The following CFAP47 variants were observed in gnomAD, a reference collection of about 807,000 sequenced individuals.
CFAP47 encodes the protein cilia- and flagella-associated protein 47.
Under a neutral mutation model 148.1 loss-of-function variants are expected in CFAP47, and 29 were observed. The observed-to-expected ratio is 0.20, with a 90% confidence interval of 0.15 to 0.27. The LOEUF (loss-of-function observed/expected upper bound fraction) is 0.27. Among genes scored for constraint, CFAP47 ranks in the 10% least tolerant of loss-of-function variants. The pLI is 1.00. For synonymous variants in CFAP47, 664 were observed against 577.3 expected, an observed-to-expected ratio of 1.15 and a Z score of -2.15; for missense variants, 1,872 against 1,697.5, an observed-to-expected ratio of 1.10 and a Z score of -1.81.
In CFAP47 at chrX:35,970,759, A is replaced by G. The variant is rs1350127826; in HGVS notation, c.1815-9A>G. On this transcript the variant is annotated splice_polypyrimidine_tract_variant and intron_variant, in intron 10 of 63. Coordinates refer to ENST00000378653, the MANE Select transcript of CFAP47 (RefSeq NM_001304548.2). The stretch of plus-strand genomic sequence containing the variant: ...ATAAAAATATTAACATGACTTGCTT[A>G]TATTGCAGGCCAATTTTCACAAAAG... The G allele has an allele frequency of 2.6e-6, 3 of 1,157,041 alleles. No individual in the cohort carries two copies. The highest frequency in any genetic ancestry group is 3.5e-6 in the Non-Finnish European group (3 of 866,539).
At chrX:35,999,909 A>C (rs749140406) in intron 19 of CFAP47, among the ~76,000 whole-genome samples, 1 of 112,110 alleles carries the variant, frequency 8.9e-6, no homozygotes, top group African/African-American at 3.2e-5. Flanking sequence ...GTAGATTGTG[A>C]GAAACCATCA....
intron 51 of CFAP47, among the ~76,000 whole-genome samples, chrX:36,298,358 A>G (rs1291830542): frequency 1.1e-5 from 1 of 95,199 alleles, no homozygotes; most frequent in African/African-American, 3.9e-5. Context: ...GAATGGAACA[A>G]TGAGATCACA....
At chrX:35,952,820 T>G (rs2146644190) in intron 6 of CFAP47, among the ~76,000 whole-genome samples, 1 of 112,399 alleles carries the variant, frequency 8.9e-6, no homozygotes, top group Non-Finnish European at 1.9e-5. Context: ...ATTCTATTCT[T>G]TTTTCATGGC....
chrX:36,201,565 G>A (rs1490153375), intron 44 of CFAP47, 65 bp downstream of exon 44: 3 of 292,893 alleles, frequency 1.0e-5, no homozygotes, highest in African/African-American at 8.3e-5. Context: ...CAGAGTTACA[G>A]AGCTGTTACT....
At chrX:36,171,333 T>A (rs1247233603) in intron 39 of CFAP47, among the ~76,000 whole-genome samples, 1 of 111,318 alleles carries the variant, frequency 9.0e-6, no homozygotes, top group African/African-American at 3.3e-5. Context: ...TGGCTTCTGT[T>A]GCCATTGCTT....
At chrX:36,248,320 T>C (rs1161452408) in intron 48 of CFAP47, among the ~76,000 whole-genome samples, 2 of 85,430 alleles carry the variant, frequency 2.3e-5, no homozygotes, top group Non-Finnish European at 4.8e-5. Flanking sequence ...AAAATATTTT[T>C]CTATGCTTTA....
chrX:35,951,503 G>A, intron 5 of CFAP47, 144 bp downstream of exon 5: 2 of 502,039 alleles, frequency 4.0e-6, no homozygotes, highest in South Asian at 4.2e-5. Context: ...GTATCCAATA[G>A]CAACCTCAAA....
At chrX:36,106,280 T>C (rs979279632) in intron 33 of CFAP47, among the ~76,000 whole-genome samples, 1 of 112,433 alleles carries the variant, frequency 8.9e-6, no homozygotes, top group African/African-American at 3.2e-5. Flanking sequence ...GCTCTTTGAC[T>C]AATTAGGAAT....
intron 33 of CFAP47, among the ~76,000 whole-genome samples, chrX:36,134,268 A>G (rs184887497): frequency 5.7e-4 from 63 of 111,451 alleles, no homozygotes; most frequent in Non-Finnish European, 9.5e-4. Context: ...AATTCCAGTG[A>G]AAATACCATC....
chrX:36,078,507 C>T (rs184502970), intron 29 of CFAP47, among the ~76,000 whole-genome samples: 4 of 107,642 alleles, frequency 3.7e-5, no homozygotes, highest in East Asian at 3.0e-4. Flanking sequence ...TCTGTTTTAT[C>T]GGAGACTAGG....
intron 49 of CFAP47, among the ~76,000 whole-genome samples, chrX:36,268,995 G>T (rs1338463616): frequency 8.9e-6 from 1 of 111,820 alleles, no homozygotes; most frequent in African/African-American, 3.2e-5. Context: ...TGAACCTTTA[G>T]AAGAATTGGC....
intron 40 of CFAP47, among the ~76,000 whole-genome samples, chrX:36,180,659 A>T (rs949709707): frequency 1.2e-4 from 14 of 112,321 alleles, no homozygotes; most frequent in African/African-American, 4.5e-4. Context: ...TTGGGAGATT[A>T]TATGAGTTGC....
At chrX:36,302,903 T>G (rs1207768884) in intron 53 of CFAP47, among the ~76,000 whole-genome samples, 2 of 112,116 alleles carry the variant, frequency 1.8e-5, no homozygotes, top group Non-Finnish European at 3.8e-5. Flanking sequence ...TTCTAATATC[T>G]AATATGGGAT....
chrX:36,171,139 G>A (rs1331218726), intron 39 of CFAP47, among the ~76,000 whole-genome samples: 5 of 108,659 alleles, frequency 4.6e-5, no homozygotes, highest in African/African-American at 1.7e-4. Context: ...CTTTTTGATG[G>A]GGTTGTTTGT....
rs782266088 is a variant in CFAP47, at chrX:36,379,313, G to A, written c.9186-37G>A. 1,410 of 1,142,764 alleles carry A rather than the reference G, an allele frequency of 1.2e-3. 1 individual carries two copies. Among genetic ancestry groups the A allele is most frequent in the Non-Finnish European group, 1.6e-3 (1,346 of 852,587 alleles). 94.2% of individuals were successfully genotyped at this position (1,142,764 alleles called of 1,213,427 possible). A position where few individuals can be genotyped will look rare whatever the true frequency, so the allele number is the denominator to read the frequency against. On this transcript the variant is annotated intron_variant, in intron 62 of 63. Coordinates refer to ENST00000378653, the MANE Select transcript of CFAP47 (RefSeq NM_001304548.2). Reference sequence around the variant, plus strand: ...CTCACAAAGAGAATGAAGTAATGACGAAATTTACTAAGTTGAATTTTGTAC... The same window carrying A: ...CTCACAAAGAGAATGAAGTAATGACAAAATTTACTAAGTTGAATTTTGTAC...
intron 31 of CFAP47, 43 bp downstream of exon 31, chrX:36,098,917 T>C: frequency 1.4e-6 from 1 of 715,651 alleles, no homozygotes. Flanking sequence ...ACAGTTATTA[T>C]TGTATGTACT....
chrX:36,366,954 T>C lies in CFAP47; in HGVS notation c.9024-12T>C. 2 of 1,093,370 alleles carry C rather than the reference T, an allele frequency of 1.8e-6. No individual in the cohort carries two copies. Among genetic ancestry groups the C allele is most frequent in the Non-Finnish European group, 2.4e-6 (2 of 829,364 alleles). 90.1% of individuals were successfully genotyped at this position (1,093,370 alleles called of 1,213,427 possible). A position where few individuals can be genotyped will look rare whatever the true frequency, so the allele number is the denominator to read the frequency against. On this transcript the variant is annotated splice_polypyrimidine_tract_variant and intron_variant, in intron 61 of 63. Coordinates refer to ENST00000378653, the MANE Select transcript of CFAP47 (RefSeq NM_001304548.2). The stretch of plus-strand genomic sequence containing the variant: ...CACGTAGTGTCATTTAAAATCTCCT[T>C]TTATATTCAAGGTCTCACATAACAC...
intron 39 of CFAP47, among the ~76,000 whole-genome samples, chrX:36,162,022 T>C (rs1224066998): frequency 8.9e-6 from 1 of 112,207 alleles, no homozygotes; most frequent in Non-Finnish European, 1.9e-5. Flanking sequence ...CTGCAGTTCC[T>C]CAGAGAAAAA....
chrX:36,248,586 A>G (rs1373532315), intron 48 of CFAP47, among the ~76,000 whole-genome samples: 1 of 108,345 alleles, frequency 9.2e-6, no homozygotes, highest in East Asian at 2.9e-4. Context: ...AGAAACAACA[A>G]TGTTAGTTGG....
Sources: gnomAD v4.1 joint callset for allele counts (sites outside exome capture counted in the v4.1 genomes callset) on GRCh38, gnomAD v4.1.1 for gene constraint, MANE v1.5 for transcripts, NCBI Gene and HGNC (gene_info 2026-07-23, HGNC 2026-07-21) for gene names.